Variants in CANX observed in about 807,000 individuals in gnomAD.
The protein encoded by CANX is calnexin.
A neutral mutation model predicts 75.7 loss-of-function variants in CANX; 14 were observed. That is an observed-to-expected ratio of 0.19 (90% CI 0.12 to 0.29). CANX has a LOEUF of 0.29. CANX is among the 10% of genes least tolerant of loss of function. CANX has a pLI of 1.00. For missense variants in CANX, 567 were observed against 713.2 expected (o/e 0.79, Z 2.34); for synonymous variants, 227 against 236.9 (o/e 0.96, Z 0.38).
Position 179,731,401 on chromosome 5 carries a change from A to C in CANX, c.*2757A>C, listed in dbSNP as rs1273528149. ...ACATACTAAAGAAAAGTATGTACAC[A>C]GAATGTAGTGCTCCTAGTTACTATT... On this transcript the variant is annotated 3_prime_UTR_variant, in exon 15 of 15. Transcript: ENST00000247461. Among the ~76,000 whole-genome samples, 4 of 152,140 alleles carry C rather than the reference A, an allele frequency of 2.6e-5. No homozygotes were observed. The highest frequency in any genetic ancestry group is 9.7e-5 in the African/African-American group (4 of 41,450).
chr5:179,718,129 C>T (rs1231464995), intron 8 of CANX, among the ~76,000 whole-genome samples: 1 of 152,166 alleles, frequency 6.6e-6, no homozygotes, highest in East Asian at 1.9e-4. Context: ...GCCTTAGCTT[C>T]TCAAGTAGCT....
Position 179,724,704 on chromosome 5 carries a change from G to A in CANX, c.1566G>A (p.Pro522=), listed in dbSNP as rs755647285. Residue 522 remains proline, a synonymous_variant, in exon 13 of 15, where the codon CCG becomes CCA. Coordinates refer to ENST00000247461, the MANE Select transcript of CANX (RefSeq NM_001746.4). ...ATAAGAAAACTGATGCACCTCAACC[G>A]GATGTGAAGGAAGAGGAAGAAGAGA... The part of the protein sequence containing the change: ...MEYKKTDAPQ[P]DVKEEEEEKE... 9.9e-6 allele frequency: 16 copies of A among 1,612,234 alleles called. No individual in the cohort carries two copies. In the East Asian group the frequency reaches 1.1e-4, roughly 11 times the overall value.
chr5:179,689,751 A>G (rs894144813), intron 1 of CANX, among the ~76,000 whole-genome samples: 3 of 151,944 alleles, frequency 2.0e-5, no homozygotes, highest in African/African-American at 7.2e-5. Flanking sequence ...TTATTTGATT[A>G]TTTGAACAGG....
intron 1 of CANX, among the ~76,000 whole-genome samples, chr5:179,693,145 CAAAA>C (rs766961125): frequency 4.3e-5 from 4 of 93,004 alleles, no homozygotes; most frequent in African/African-American, 1.5e-4. Flanking sequence ...AACTCCGTCT[CAAAA>C]AAAAAAAAAA....
chr5:179,719,450 C>T (rs1391655399), intron 8 of CANX, among the ~76,000 whole-genome samples: 12 of 152,024 alleles, frequency 7.9e-5, no homozygotes, highest in Admixed American at 7.9e-4. Flanking sequence ...AAATCATTTG[C>T]CCATTTTTAA....
At chr5:179,695,780 A>AT (rs1473579038), upstream of CANX, among the ~76,000 whole-genome samples, 1 of 151,682 alleles carries the variant, frequency 6.6e-6, no homozygotes, top group Non-Finnish European at 1.5e-5. Flanking sequence ...CCTCCCGAGT[A>AT]GCTGGGACTA....
At chr5:179,689,685 C>T (rs760335722) in intron 1 of CANX, among the ~76,000 whole-genome samples, 4 of 152,106 alleles carry the variant, frequency 2.6e-5, no homozygotes, top group Admixed American at 1.3e-4. Flanking sequence ...CCACCACACC[C>T]GGCCTCTTTT....
intron 1 of CANX, among the ~76,000 whole-genome samples, chr5:179,683,030 G>GC (rs1322235820): frequency 6.6e-6 from 1 of 152,228 alleles, no homozygotes; most frequent in East Asian, 1.9e-4. Flanking sequence ...AGATCCACAG[G>GC]AGCTCACAAG....
upstream of CANX, among the ~76,000 whole-genome samples, chr5:179,697,289 C>T (rs1776429751): frequency 6.6e-6 from 1 of 152,082 alleles, no homozygotes; most frequent in Non-Finnish European, 1.5e-5. Context: ...GTCTTGAACT[C>T]CTGGCCTCAA....
At chr5:179,709,137 A>G (rs6601068) in intron 6 of CANX, 78 bp downstream of exon 6, 862,145 of 872,144 alleles carry the variant, frequency 0.99, 426,680 homozygotes, top group East Asian at 1. Context: ...GGCCGGGTGC[A>G]GTGGCTCACG....
intron 1 of CANX, among the ~76,000 whole-genome samples, chr5:179,688,944 A>C (rs1452378176): frequency 6.6e-6 from 1 of 150,854 alleles, no homozygotes; most frequent in East Asian, 2.0e-4. Context: ...GTGAGACACT[A>C]TCTCAAAAAA....
At chr5:179,707,916 A>G (rs572218171) in intron 4 of CANX, among the ~76,000 whole-genome samples, 6 of 152,184 alleles carry the variant, frequency 3.9e-5, no homozygotes, top group Admixed American at 2.0e-4. Flanking sequence ...GGCTCACCGC[A>G]ACCTCTGTTT....
At chr5:179,698,872 C>A (rs1474291810), upstream of CANX, 6 of 1,107,078 alleles carry the variant, frequency 5.4e-6, no homozygotes, top group Non-Finnish European at 6.8e-6. Context: ...TCGGGGCTTG[C>A]GCGGGAGGGC....
At chr5:179,705,571 T>G in intron 1 of CANX, 108 bp from the exon 2 acceptor site, 1 of 801,642 alleles carries the variant, frequency 1.2e-6, no homozygotes, top group Non-Finnish European at 2.0e-6. Flanking sequence ...AAGTTCTTTT[T>G]AGCTCTGCGA....
At chr5:179,683,312 T>G (rs556950987) in intron 1 of CANX, among the ~76,000 whole-genome samples, 1 of 151,798 alleles carries the variant, frequency 6.6e-6, no homozygotes, top group African/African-American at 2.4e-5. Flanking sequence ...TATTTTTTTT[T>G]TTAGTAGAGA....
chr5:179,719,014 A>G (rs998974398), intron 8 of CANX, among the ~76,000 whole-genome samples: 1 of 147,736 alleles, frequency 6.8e-6, no homozygotes, highest in African/African-American at 2.5e-5. Flanking sequence ...CTTGTTGCCC[A>G]GGCTGGTGTG....
chr5:179,694,626 C>G, upstream of CANX: 1 of 932,752 alleles, frequency 1.1e-6, no homozygotes, highest in Non-Finnish European at 1.7e-6. Context: ...GACGGCAAAG[C>G]TGAAGGAGAA....
chr5:179,698,477 C>A (rs1363908771), upstream of CANX: 1 of 1,289,078 alleles, frequency 7.8e-7, no homozygotes, highest in Non-Finnish European at 1.0e-6. Flanking sequence ...TAGGGGCCCG[C>A]GTTCGCTGCA....
At chr5:179,697,339 C>G (rs982924795), upstream of CANX, among the ~76,000 whole-genome samples, 5 of 152,184 alleles carry the variant, frequency 3.3e-5, no homozygotes, top group Non-Finnish European at 7.3e-5. Flanking sequence ...GCTCAGATCA[C>G]AGGGAGAGCC....
Sources: gnomAD v4.1 joint callset for allele counts (sites outside exome capture counted in the v4.1 genomes callset) on GRCh38, gnomAD v4.1.1 for gene constraint, MANE v1.5 for transcripts, NCBI Gene and HGNC (gene_info 2026-07-23, HGNC 2026-07-21) for gene names.